DACH1: variants seen among roughly 807,000 people sequenced by gnomAD.
DACH1 encodes dachshund homolog 1.
Under a neutral mutation model 54.2 loss-of-function variants are expected in DACH1, and 12 were observed. That is an observed-to-expected ratio of 0.22 (90% CI 0.14 to 0.36). The LOEUF is 0.36. Ranked by LOEUF, DACH1 falls within the 10% of genes least tolerant of loss-of-function variation. The pLI is 1.00. For missense variants in DACH1, 805 were observed against 929.8 expected, an observed-to-expected ratio of 0.87 and a Z score of 1.75; for synonymous variants, 386 against 366.2, an observed-to-expected ratio of 1.05 and a Z score of -0.62.
intron 3 of DACH1, among the ~76,000 whole-genome samples, chr13:71,585,689 T>G (rs968990682): frequency 6.6e-6 from 1 of 152,138 alleles, no homozygotes; most frequent in Non-Finnish European, 1.5e-5. Context: ...GACCAGATTA[T>G]GAAAGTTCTC....
chr13:71,545,557 G>C (rs544272708), intron 6 of DACH1, among the ~76,000 whole-genome samples: 10 of 150,668 alleles, frequency 6.6e-5, no homozygotes, highest in Admixed American at 4.0e-4. Flanking sequence ...GAGGGAGGGA[G>C]AGAGGGAGGA....
At chr13:71,807,802 C>T (rs796065584) in intron 1 of DACH1, among the ~76,000 whole-genome samples, 11 of 152,204 alleles carry the variant, frequency 7.2e-5, no homozygotes, top group African/African-American at 2.4e-4. Flanking sequence ...CAATATCTCT[C>T]ACTTCAAAAT....
chr13:71,534,359 A>C (rs899184139), intron 6 of DACH1, among the ~76,000 whole-genome samples: 8 of 152,070 alleles, frequency 5.3e-5, no homozygotes, highest in Admixed American at 1.3e-4. Flanking sequence ...AATTGTCTTT[A>C]ATATTAAATT....
At chr13:71,664,174 A>T (rs768839160) in intron 2 of DACH1, among the ~76,000 whole-genome samples, 21 of 152,018 alleles carry the variant, frequency 1.4e-4, no homozygotes, top group Non-Finnish European at 2.5e-4. Flanking sequence ...GTCTTGAGTT[A>T]TCAGTCCAGA....
intron 2 of DACH1, among the ~76,000 whole-genome samples, chr13:71,652,260 C>G (rs1054329011): frequency 6.6e-6 from 1 of 152,104 alleles, no homozygotes; most frequent in Admixed American, 6.5e-5. Context: ...TCTAACAAAT[C>G]GTTACTGTCC....
chr13:71,476,434 G>A (rs951226616), intron 8 of DACH1, among the ~76,000 whole-genome samples: 34 of 151,988 alleles, frequency 2.2e-4, no homozygotes, highest in Non-Finnish European at 2.9e-4. Flanking sequence ...TTAATGTATA[G>A]AACAGAAATG....
At chr13:71,477,026 G>A (rs1420079207) in intron 8 of DACH1, among the ~76,000 whole-genome samples, 2 of 139,284 alleles carry the variant, frequency 1.4e-5, no homozygotes, top group Non-Finnish European at 1.5e-5. Context: ...AAATAATAAC[G>A]ACTCAAGTAT....
chr13:71,718,354 G>A (rs1331452872), intron 1 of DACH1, among the ~76,000 whole-genome samples: 3 of 151,974 alleles, frequency 2.0e-5, no homozygotes, highest in Non-Finnish European at 2.9e-5. Context: ...GGAGGCCCAG[G>A]CAGAAGGATC....
chr13:71,705,550 A>C (rs1029655649), intron 1 of DACH1, among the ~76,000 whole-genome samples: 5 of 152,208 alleles, frequency 3.3e-5, no homozygotes, highest in African/African-American at 1.2e-4. Flanking sequence ...TTTATTCAAA[A>C]AATGTTTTAT....
At chr13:71,675,319 C>T in intron 2 of DACH1, 1 of 1,593,672 alleles carries the variant, frequency 6.3e-7, no homozygotes. Flanking sequence ...TCTGCGCTTC[C>T]AGAGCGCAGC....
chr13:71,840,693 C>T (rs1872781929), intron 1 of DACH1, among the ~76,000 whole-genome samples: 1 of 151,892 alleles, frequency 6.6e-6, no homozygotes, highest in South Asian at 2.1e-4. Flanking sequence ...ACGAAAATTG[C>T]AAAATGAATA....
intron 1 of DACH1, among the ~76,000 whole-genome samples, chr13:71,731,808 C>T (rs941440945): frequency 6.6e-6 from 1 of 152,170 alleles, no homozygotes; most frequent in African/African-American, 2.4e-5. Flanking sequence ...GAGAAAAGTT[C>T]ATGCCTTACA....
intron 1 of DACH1, among the ~76,000 whole-genome samples, chr13:71,823,390 A>T (rs181609915): frequency 5.9e-5 from 9 of 152,214 alleles, no homozygotes; most frequent in African/African-American, 2.2e-4. Flanking sequence ...AAAAATGACA[A>T]TGGAACTTTA....
Position 71,866,050 on chromosome 13 carries a change from C to G in DACH1, c.720G>C (p.Pro240=), listed in dbSNP as rs1437368767. ...GAACTTGTTCCACATTGCACACCAC[C>G]GGCGTGATCTCCAGCCGCTTCAGCT... The part of the protein sequence containing the change: ...YTKLKRLEIT[P]VVCNVEQVRI... The change falls in exon 1 of 11, where the codon CCG becomes CCC. Residue 240 remains proline (P), a synonymous_variant. Coordinates refer to ENST00000613252, the MANE Select transcript of DACH1 (RefSeq NM_080759.6). 7 of 1,613,732 alleles carry G rather than the reference C, an allele frequency of 4.3e-6. No homozygotes were observed. Among genetic ancestry groups the G allele is most frequent in the Non-Finnish European group, 5.9e-6 (7 of 1,179,990 alleles).
intron 1 of DACH1, among the ~76,000 whole-genome samples, chr13:71,801,082 T>TA (rs368391162): frequency 1.1e-3 from 167 of 151,680 alleles, no homozygotes; most frequent in African/African-American, 3.3e-3. Context: ...ACAGCAGTGT[T>TA]TCTAGACTTT....
intron 6 of DACH1, among the ~76,000 whole-genome samples, chr13:71,551,359 T>C (rs1032143817): frequency 3.3e-5 from 5 of 152,148 alleles, no homozygotes; most frequent in Non-Finnish European, 5.9e-5. Flanking sequence ...ATACAATAGA[T>C]TGCTGTAAAC....
chr13:71,809,144 A>C (rs1032552617), intron 1 of DACH1, among the ~76,000 whole-genome samples: 1 of 152,186 alleles, frequency 6.6e-6, no homozygotes, highest in Non-Finnish European at 1.5e-5. Flanking sequence ...TAAATCTTTC[A>C]TGTGAAAAGG....
At chr13:71,686,758 C>G (rs1280139946) in intron 1 of DACH1, among the ~76,000 whole-genome samples, 2 of 152,152 alleles carry the variant, frequency 1.3e-5, no homozygotes, top group African/African-American at 4.8e-5. Flanking sequence ...ACTGTGGTGT[C>G]TACACATTGG....
rs111705312 is a variant in DACH1, at chr13:71,501,171, T to G, written c.1571-12023A>C. 2.8e-3 allele frequency among the ~76,000 whole-genome samples: 433 copies of G among 152,268 alleles called. 2 individuals are homozygous for G. Among genetic ancestry groups the G allele is most frequent in the African/African-American group, 9.8e-3 (407 of 41,568 alleles). On this transcript the variant is annotated intron_variant, in intron 6 of 10. Coordinates refer to ENST00000613252, the MANE Select transcript of DACH1 (RefSeq NM_080759.6). ...CCCGTTTCCCTGAAATGTATAAAAT[T>G]AAACTATAACTCGATCTCTTCGGGC... is the stretch of plus-strand genomic sequence containing the variant.
Sources: allele counts gnomAD v4.1 joint callset (sites outside exome capture counted in the v4.1 genomes callset), GRCh38; gene constraint gnomAD v4.1.1; transcripts MANE v1.5; gene names NCBI Gene and HGNC (gene_info 2026-07-23, HGNC 2026-07-21).